The following TENM3 variants were observed in gnomAD, a reference collection of about 807,000 sequenced individuals.
The protein encoded by TENM3 is teneurin transmembrane protein 3, also known as teneurin-3.
Under a neutral mutation model 255.1 loss-of-function variants are expected in TENM3, and 63 were observed. The ratio of observed to expected loss-of-function variants is 0.25; its 90% confidence interval spans 0.20 to 0.30. The LOEUF (loss-of-function observed/expected upper bound fraction) is 0.30, where lower values mean the gene tolerates loss of function less well. TENM3 is among the 10% of genes least tolerant of loss of function. The probability of loss-of-function intolerance (pLI) is 1.00; values close to 1 mark genes in which losing one functional copy is unlikely to be tolerated. For synonymous variants in TENM3, 1,306 were observed against 1,322.3 expected (o/e 0.99, Z 0.27); for missense variants, 2,929 against 3,461.1 (o/e 0.85, Z 3.86).
At chr4:182,478,639 T>C (rs954389437) in intron 3 of TENM3, among the ~76,000 whole-genome samples, 18 of 152,012 alleles carry the variant, frequency 1.2e-4, no homozygotes, top group East Asian at 3.9e-4. Context: ...TTAATAAATA[T>C]ACCATTGTAG....
the TENM3 span, among the ~76,000 whole-genome samples, chr4:181,577,299 C>A: frequency 6.7e-6 from 1 of 148,958 alleles, no homozygotes; most frequent in East Asian, 2.0e-4. Context: ...TCTCGGCCTC[C>A]CAAAGTGCCG....
At chr4:181,768,638 T>A in the TENM3 span, among the ~76,000 whole-genome samples, 56 of 152,332 alleles carry the variant, frequency 3.7e-4, no homozygotes, top group African/African-American at 1.2e-3. Context: ...TGCCAATTTA[T>A]ATGACAAAAT....
At chr4:182,778,363 T>C (rs929076067) in intron 24 of TENM3, among the ~76,000 whole-genome samples, 1 of 152,234 alleles carries the variant, frequency 6.6e-6, no homozygotes, top group African/African-American at 2.4e-5. Flanking sequence ...AATCTCATTA[T>C]GCCAGTCACA....
intron 3 of TENM3, among the ~76,000 whole-genome samples, chr4:182,561,282 G>A (rs976211780): frequency 1.3e-4 from 20 of 151,484 alleles, no homozygotes; most frequent in Non-Finnish European, 2.5e-4. Context: ...ATATAAATAT[G>A]TAAATAAAAA....
At chr4:182,767,667 A>C (rs2152782258) in intron 22 of TENM3, among the ~76,000 whole-genome samples, 1 of 152,284 alleles carries the variant, frequency 6.6e-6, no homozygotes, top group Admixed American at 6.5e-5. Flanking sequence ...CATACACATT[A>C]TAGTGAAAGT....
intron 3 of TENM3, among the ~76,000 whole-genome samples, chr4:182,495,268 A>G (rs1735671748): frequency 1.3e-5 from 2 of 152,176 alleles, no homozygotes; most frequent in Admixed American, 1.3e-4. Context: ...CTTTCTCATA[A>G]TGCCTGAATA....
the TENM3 span, among the ~76,000 whole-genome samples, chr4:182,064,084 C>T: frequency 6.6e-6 from 1 of 151,938 alleles, no homozygotes; most frequent in Non-Finnish European, 1.5e-5. Flanking sequence ...GTTTTATTTG[C>T]CTTCTCTAGC....
At chr4:182,753,628 G>C in intron 21 of TENM3, 24 bp downstream of exon 21, 1 of 1,609,626 alleles carries the variant, frequency 6.2e-7, no homozygotes, top group Non-Finnish European at 8.5e-7. Flanking sequence ...AAGCGGACTT[G>C]TTTGTTTTTC....
chr4:182,722,867 T>A (rs1269972988), intron 13 of TENM3, among the ~76,000 whole-genome samples: 1 of 151,824 alleles, frequency 6.6e-6, no homozygotes, highest in African/African-American at 2.4e-5. Context: ...CAAGAGAGAT[T>A]TGAGATGAAG....
At chr4:182,202,468 G>T (rs907346407) in intron 1 of TENM3, among the ~76,000 whole-genome samples, 1 of 151,962 alleles carries the variant, frequency 6.6e-6, no homozygotes, top group African/African-American at 2.4e-5. Flanking sequence ...ACCACACCCA[G>T]CTACTTTTAT....
At chr4:182,106,385 C>T in the TENM3 span, among the ~76,000 whole-genome samples, 15 of 152,206 alleles carry the variant, frequency 9.9e-5, no homozygotes, top group African/African-American at 2.6e-4. Context: ...CACTTGAGCC[C>T]GGAAGTCAAA....
intron 1 of TENM3, among the ~76,000 whole-genome samples, chr4:182,190,001 C>T (rs984822937): frequency 4.6e-5 from 7 of 152,108 alleles, no homozygotes; most frequent in African/African-American, 1.4e-4. Flanking sequence ...ACTGTTTTCT[C>T]GTTTCCTTTA....
chr4:181,688,644 T>C, the TENM3 span, among the ~76,000 whole-genome samples: 1 of 152,166 alleles, frequency 6.6e-6, no homozygotes, highest in African/African-American at 2.4e-5. Context: ...GTATCTGGCT[T>C]CAACATTTCC....
chr4:181,929,333 T>C, the TENM3 span, among the ~76,000 whole-genome samples: 1 of 151,214 alleles, frequency 6.6e-6, no homozygotes, highest in African/African-American at 2.4e-5. Flanking sequence ...TGAAGGAATA[T>C]TTACCAAGCA....
chr4:182,774,564 G>T (rs1437304940), intron 23 of TENM3, among the ~76,000 whole-genome samples: 1 of 152,184 alleles, frequency 6.6e-6, no homozygotes, highest in Admixed American at 6.5e-5. Context: ...GACCTTGGAG[G>T]TGTGTACACC....
chr4:182,075,250 G>A, the TENM3 span, among the ~76,000 whole-genome samples: 2 of 139,144 alleles, frequency 1.4e-5, no homozygotes, highest in South Asian at 2.2e-4. Flanking sequence ...CCAGGCTGGA[G>A]TGCAGTGATG....
chr4:182,206,329 T>C (rs1479207552), intron 1 of TENM3, among the ~76,000 whole-genome samples: 1 of 152,182 alleles, frequency 6.6e-6, no homozygotes. Flanking sequence ...AGCCTCAGGA[T>C]TGCTCCAGCT....
chr4:182,052,336 G>A, the TENM3 span, among the ~76,000 whole-genome samples: 2 of 152,070 alleles, frequency 1.3e-5, no homozygotes, highest in Non-Finnish European at 2.9e-5. Context: ...AATGAGATGG[G>A]GGAGAGAAGG....
the TENM3 span, among the ~76,000 whole-genome samples, chr4:181,967,156 T>C: frequency 6.6e-6 from 1 of 152,250 alleles, no homozygotes; most frequent in Middle Eastern, 3.4e-3. Flanking sequence ...ACAGACATGA[T>C]TTGGATATGT....
Sources: allele counts gnomAD v4.1 joint callset (sites outside exome capture counted in the v4.1 genomes callset), GRCh38; gene constraint gnomAD v4.1.1; transcripts MANE v1.5; gene names NCBI Gene and HGNC (gene_info 2026-07-23, HGNC 2026-07-21).